The following RHBDD1 variants were observed in gnomAD, a reference collection of about 807,000 sequenced individuals.
The protein encoded by RHBDD1 is rhomboid-related protein 4.
RHBDD1 carries 38 observed loss-of-function variants against 36.3 expected under a neutral mutation model. The observed-to-expected ratio is 1.05, with a 90% CI of 0.81 to 1.37. The LOEUF (loss-of-function observed/expected upper bound fraction) is 1.37. Among genes scored for constraint, RHBDD1 ranks in the 40% most tolerant of loss-of-function variants. The pLI is 0.00. For synonymous variants in RHBDD1, 151 were observed against 136.5 expected (o/e 1.11, Z -0.74); for missense variants, 393 against 377.6 (o/e 1.04, Z -0.34).
At chr2:226,962,555 A>G (rs977007652) in intron 8 of RHBDD1, among the ~76,000 whole-genome samples, 4 of 152,254 alleles carry the variant, frequency 2.6e-5, no homozygotes, top group African/African-American at 9.6e-5. Flanking sequence ...CCATCTTACT[A>G]AATTCTTCAG....
chr2:226,973,820 G>A (rs1240263568), intron 8 of RHBDD1, among the ~76,000 whole-genome samples: 1 of 152,202 alleles, frequency 6.6e-6, no homozygotes, highest in Non-Finnish European at 1.5e-5. Context: ...ATTCCTGTGA[G>A]CGTTAGAACA....
At chr2:226,962,223 G>A (rs922609590) in intron 8 of RHBDD1, among the ~76,000 whole-genome samples, 5 of 152,178 alleles carry the variant, frequency 3.3e-5, no homozygotes, top group Non-Finnish European at 7.4e-5. Context: ...AGAAAAAATA[G>A]CAAATTCATT....
At chr2:226,893,075 T>G (rs1185708935) in intron 5 of RHBDD1, among the ~76,000 whole-genome samples, 1 of 152,212 alleles carries the variant, frequency 6.6e-6, no homozygotes, top group Admixed American at 6.5e-5. Context: ...CAGTTGAGAC[T>G]ATTTCCTGCC....
intron 5 of RHBDD1, among the ~76,000 whole-genome samples, chr2:226,894,545 G>C (rs945913507): frequency 6.6e-6 from 1 of 152,064 alleles, no homozygotes; most frequent in African/African-American, 2.4e-5. Context: ...TGCTTGGATT[G>C]CAGGCGTGAG....
chr2:226,908,765 A>C, intron 6 of RHBDD1, 57 bp from the exon 7 acceptor site: 1 of 1,140,188 alleles, frequency 8.8e-7, no homozygotes, highest in East Asian at 2.3e-5. Flanking sequence ...TTACTGGAAC[A>C]ATTAGCATTT....
At chr2:226,970,548 C>T (rs994769828) in intron 8 of RHBDD1, among the ~76,000 whole-genome samples, 2 of 152,178 alleles carry the variant, frequency 1.3e-5, no homozygotes, top group African/African-American at 2.4e-5. Context: ...TATTTTTAGG[C>T]ACTGGTAGAG....
At position 226,995,575 on chromosome 2, in the gene RHBDD1, T is replaced by C. The variant is rs1959177070; in HGVS notation, c.*53T>C. ...TTCGTGTAATTATTGCCCATTTGGC[T>C]CATTCCCCAAGCCCCTAATTCATTT... is the stretch of plus-strand genomic sequence containing the variant. On this transcript the variant is annotated 3_prime_UTR_variant, in exon 9 of 9. Coordinates refer to ENST00000392062, the MANE Select transcript of RHBDD1 (RefSeq NM_001167608.3). 8.2e-7 allele frequency: 1 copy of C among 1,214,490 alleles called. No individual in the cohort carries two copies. Among genetic ancestry groups the C allele is most frequent in the Admixed American group, 1.9e-5 (1 of 52,828 alleles). 75.2% of individuals were successfully genotyped at this position (1,214,490 alleles called of 1,614,324 possible).
intron 8 of RHBDD1, among the ~76,000 whole-genome samples, chr2:226,977,599 A>G (rs1258259688): frequency 1.3e-5 from 2 of 152,234 alleles, no homozygotes; most frequent in African/African-American, 4.8e-5. Context: ...TAGCATAATT[A>G]GCAGGATCAA....
At chr2:226,944,355 C>T (rs1367812089) in intron 8 of RHBDD1, among the ~76,000 whole-genome samples, 3 of 152,118 alleles carry the variant, frequency 2.0e-5, no homozygotes, top group Admixed American at 6.6e-5. Flanking sequence ...AGAGGAGCAG[C>T]GGTTGTACAA....
At chr2:226,926,369 T>C (rs994197713) in intron 8 of RHBDD1, among the ~76,000 whole-genome samples, 3 of 152,218 alleles carry the variant, frequency 2.0e-5, no homozygotes, top group Non-Finnish European at 4.4e-5. Context: ...GTATGTTTTA[T>C]AGTCAGGTTT....
At chr2:226,873,254 A>C (rs1271113141) in intron 5 of RHBDD1, among the ~76,000 whole-genome samples, 1 of 152,218 alleles carries the variant, frequency 6.6e-6, no homozygotes, top group East Asian at 1.9e-4. Context: ...ACCACAAACC[A>C]CATAAATATA....
At chr2:226,913,506 C>A (rs949902474) in intron 7 of RHBDD1, among the ~76,000 whole-genome samples, 1 of 152,094 alleles carries the variant, frequency 6.6e-6, no homozygotes, top group African/African-American at 2.4e-5. Flanking sequence ...AAATATCTTC[C>A]AAAAATGAAC....
the RHBDD1 span, among the ~76,000 whole-genome samples, chr2:226,825,022 T>G: frequency 6.6e-6 from 1 of 152,372 alleles, no homozygotes; most frequent in East Asian, 1.9e-4. Context: ...TCCCACATTT[T>G]GATGCAAGTT....
chr2:226,939,124 T>A (rs960449267), intron 8 of RHBDD1, among the ~76,000 whole-genome samples: 2 of 152,108 alleles, frequency 1.3e-5, no homozygotes, highest in African/African-American at 4.8e-5. Context: ...TGAAGAAACA[T>A]ACCTCCAAAT....
At chr2:226,989,854 C>A (rs1244966486) in intron 8 of RHBDD1, among the ~76,000 whole-genome samples, 1 of 152,162 alleles carries the variant, frequency 6.6e-6, no homozygotes, top group Admixed American at 6.5e-5. Flanking sequence ...TTTCACAATG[C>A]AGGGTGCTGA....
chr2:226,852,405 A>G (rs1236300800), intron 3 of RHBDD1, among the ~76,000 whole-genome samples: 1 of 152,184 alleles, frequency 6.6e-6, no homozygotes, highest in East Asian at 1.9e-4. Context: ...TGGTACAAGG[A>G]TATGGCACCT....
intron 8 of RHBDD1, among the ~76,000 whole-genome samples, chr2:226,983,305 T>C (rs1956197811): frequency 6.6e-6 from 1 of 152,160 alleles, no homozygotes; most frequent in South Asian, 2.1e-4. Flanking sequence ...AAATCCAGCA[T>C]CTAGTATTTA....
chr2:226,835,575 C>G (rs1468857598), upstream of RHBDD1: 1 of 152,248 alleles, frequency 6.6e-6, no homozygotes, highest in Non-Finnish European at 1.5e-5. Flanking sequence ...TCTGACCCTT[C>G]CAGGCAGCAG....
intron 5 of RHBDD1, among the ~76,000 whole-genome samples, chr2:226,877,550 CTTTT>C (rs80311532): frequency 2.5e-5 from 3 of 120,780 alleles, no homozygotes; most frequent in Non-Finnish European, 5.4e-5. Flanking sequence ...AGCCATTTTC[CTTTT>C]TTTTTTTTTT....
Sources: allele counts gnomAD v4.1 joint callset (sites outside exome capture counted in the v4.1 genomes callset), GRCh38; gene constraint gnomAD v4.1.1; transcripts MANE v1.5; gene names NCBI Gene and HGNC (gene_info 2026-07-23, HGNC 2026-07-21).